Variants in PARP16 observed in about 807,000 individuals in gnomAD.
The protein encoded by PARP16 is poly(ADP-ribose) polymerase family member 16, also known as protein mono-ADP-ribosyltransferase PARP16.
Under a neutral mutation model 35.0 loss-of-function variants are expected in PARP16, and 31 were observed. The observed-to-expected ratio is 0.88, with a 90% CI of 0.66 to 1.19. The LOEUF is 1.19. Ranked by LOEUF, PARP16 falls within the 50% of genes most tolerant of loss-of-function variation. The probability of loss-of-function intolerance (pLI) is 0.00; values close to 1 mark genes in which losing one functional copy is unlikely to be tolerated. For synonymous variants in PARP16, 162 were observed against 169.5 expected (o/e 0.96, Z 0.34); for missense variants, 424 against 411.2 (o/e 1.03, Z -0.27).
chr15:65,286,181 G>T, intron 1 of PARP16, 72 bp downstream of exon 1: 2 of 1,235,588 alleles, frequency 1.6e-6, no homozygotes, highest in Non-Finnish European at 2.2e-6. Flanking sequence ...GGATGGAACT[G>T]CCTCTACCTG....
rs556058787 is a variant in PARP16 at position 65,267,678 on chromosome 15, C to CTTTTTTTTTTT, written c.313-921_313-911dup. On this transcript the variant is annotated intron_variant, in intron 2 of 5. Transcript: ENST00000649807. ...TGGAGATCACTTCTAATTTTCCTAA[C>CTTTTTTTTTTT]TTTTTTTTTTTTTTTTTTTTTTTTT... Among the ~76,000 whole-genome samples, 30 of 53,034 alleles carry CTTTTTTTTTTT rather than the reference C, an allele frequency of 5.7e-4. 10 individuals are homozygous for CTTTTTTTTTTT. The highest frequency in any genetic ancestry group is 9.5e-4 in the African/African-American group (13 of 13,740). The allele number at this position is 53,034 out of a possible 152,430, so 34.8% of individuals were successfully genotyped here. A position where few individuals can be genotyped will look rare whatever the true frequency, so the allele number is the denominator to read the frequency against.
At chr15:65,245,706 C>T (rs2089192494) in intron 3 of PARP16, among the ~76,000 whole-genome samples, 1 of 152,172 alleles carries the variant, frequency 6.6e-6, no homozygotes, top group African/African-American at 2.4e-5. Context: ...ACATCATCCC[C>T]TTGCACGCTG....
At chr15:65,270,238 A>T (rs566831524) in intron 2 of PARP16, among the ~76,000 whole-genome samples, 5 of 152,278 alleles carry the variant, frequency 3.3e-5, no homozygotes, top group Non-Finnish European at 7.4e-5. Context: ...TCCCTGGGAG[A>T]CCCCAGCCAG....
chr15:65,282,543 C>T (rs1226214894), intron 1 of PARP16: 1 of 152,222 alleles, frequency 6.6e-6, no homozygotes, highest in Non-Finnish European at 1.5e-5. Context: ...GTGCCAGGCC[C>T]CACCTGTGAG....
At chr15:65,248,085 T>A (rs1198774999) in intron 3 of PARP16, 1 of 445,396 alleles carries the variant, frequency 2.2e-6, no homozygotes, top group African/African-American at 2.0e-5. Flanking sequence ...ATTACAGGCG[T>A]GAGCCACCGC....
intron 3 of PARP16, among the ~76,000 whole-genome samples, chr15:65,236,276 A>G (rs1045346506): frequency 1.3e-5 from 2 of 152,220 alleles, no homozygotes; most frequent in African/African-American, 4.8e-5. Flanking sequence ...CTAGTGGTAG[A>G]GCCAAACATT....
intron 2 of PARP16, among the ~76,000 whole-genome samples, chr15:65,251,796 GCT>G (rs1183068100): frequency 6.6e-6 from 1 of 151,492 alleles, no homozygotes; most frequent in Admixed American, 6.6e-5. Context: ...ATGGAATCTC[GCT>G]CTGTCGCCCA....
At chr15:65,266,235 G>A (rs1056814132) in intron 3 of PARP16, among the ~76,000 whole-genome samples, 14 of 152,134 alleles carry the variant, frequency 9.2e-5, no homozygotes, top group Admixed American at 6.5e-4. Flanking sequence ...AAAGCTCCCC[G>A]AGTGATTCTA....
intron 5 of PARP16, 104 bp downstream of exon 5, chr15:65,260,781 C>T (rs2140840656): frequency 4.1e-6 from 4 of 972,490 alleles, no homozygotes; most frequent in East Asian, 4.8e-5. Context: ...ACATACTTGA[C>T]ATCTAGCGGA....
Position 65,250,107 on chromosome 15 carries a change from C to CTT in PARP16, c.203-1881_203-1880dup, listed in dbSNP as rs71136331. Among the ~76,000 whole-genome samples, 471 of 87,114 alleles carry CTT rather than the reference C, an allele frequency of 5.4e-3. 85 individuals carry two copies. Among genetic ancestry groups the CTT allele is most frequent in the African/African-American group, 0.022 (403 of 18,336 alleles). The allele number at this position is 87,114 out of a possible 152,430, so 57.2% of individuals were successfully genotyped here. Reference sequence around the variant, plus strand: ...TAGCTGCAGCCTTGCACCTGCTTGCCTTTTTTTTTTTTTTTTTTTTTTTTT... The same window carrying CTT: ...TAGCTGCAGCCTTGCACCTGCTTGCCTTTTTTTTTTTTTTTTTTTTTTTTTTT... On this transcript the variant is annotated intron_variant and NMD_transcript_variant, in intron 2 of 3. Transcript: ENST00000559805.
intron 2 of PARP16, among the ~76,000 whole-genome samples, chr15:65,267,677 A>ATTTT: frequency 7.7e-5 from 7 of 90,368 alleles, no homozygotes; most frequent in Non-Finnish European, 1.2e-4. Context: ...AATTTTCCTA[A>ATTTT]CTTTTTTTTT....
intron 3 of PARP16, among the ~76,000 whole-genome samples, chr15:65,240,309 T>G (rs1265116641): frequency 7.3e-4 from 63 of 86,560 alleles, no homozygotes; most frequent in East Asian, 2.4e-3. Flanking sequence ...TGTGTGTGTG[T>G]GGTGGGGGGG....
chr15:65,248,082 G>C, intron 3 of PARP16: 1 of 444,434 alleles, frequency 2.3e-6, no homozygotes. Context: ...GGGATTACAG[G>C]CGTGAGCCAC....
intron 2 of PARP16, among the ~76,000 whole-genome samples, chr15:65,268,062 C>A (rs1240152523): frequency 1.3e-5 from 2 of 152,076 alleles, no homozygotes; most frequent in African/African-American, 4.8e-5. Flanking sequence ...TGTAAAAATT[C>A]CCTCTCATCC....
At chr15:65,279,723 T>A (rs1342933266) in intron 1 of PARP16, among the ~76,000 whole-genome samples, 1 of 152,138 alleles carries the variant, frequency 6.6e-6, no homozygotes, top group Admixed American at 6.5e-5. Context: ...TTCCTCACCA[T>A]CCAGCAGGTA....
At position 65,258,345 on chromosome 15, in the gene PARP16, AG is replaced by A; in HGVS notation, c.*1061del. ...CCAGAAGGCTTTTCCTACACATTAA[AG>A]CCCAGGCTGAGTCTCAAAGACCTGT... On this transcript the variant is annotated 3_prime_UTR_variant, in exon 6 of 6. Coordinates refer to ENST00000649807, the MANE Select transcript of PARP16 (RefSeq NM_001316943.2). 6.6e-6 allele frequency: 1 copy of A among 152,396 alleles called. No homozygotes were observed. Among genetic ancestry groups the A allele is most frequent in the East Asian group, 1.9e-4 (1 of 5,186 alleles). 9.4% of individuals were successfully genotyped at this position (152,396 alleles called of 1,614,324 possible).
At chr15:65,267,825 G>C (rs555241494) in intron 2 of PARP16, among the ~76,000 whole-genome samples, 111 of 150,866 alleles carry the variant, frequency 7.4e-4, no homozygotes, top group Non-Finnish European at 1.2e-3. Context: ...GAGTAGCTGG[G>C]ATTACAAGTG....
chr15:65,267,248 T>A (rs561196093), intron 2 of PARP16, among the ~76,000 whole-genome samples: 59 of 150,750 alleles, frequency 3.9e-4, no homozygotes, highest in African/African-American at 7.1e-4. Context: ...TTTAAAAAAA[T>A]AATAATAATA....
chr15:65,246,629 CA>C (rs1177409556), intron 3 of PARP16, among the ~76,000 whole-genome samples: 1 of 152,196 alleles, frequency 6.6e-6, no homozygotes, highest in Non-Finnish European at 1.5e-5. Context: ...GGTAGGGGCT[CA>C]GGGGCAGAAT....
Sources: allele counts gnomAD v4.1 joint callset (sites outside exome capture counted in the v4.1 genomes callset), GRCh38; gene constraint gnomAD v4.1.1; transcripts MANE v1.5; gene names NCBI Gene and HGNC (gene_info 2026-07-23, HGNC 2026-07-21).